SYT6: variants seen among roughly 807,000 people sequenced by gnomAD.
The protein encoded by SYT6 is synaptotagmin-6.
A neutral mutation model predicts 38.4 loss-of-function variants in SYT6; 24 were observed. The observed-to-expected ratio is 0.62, with a 90% confidence interval of 0.45 to 0.88. SYT6 has a LOEUF of 0.88. Among genes scored for constraint, SYT6 ranks in the 40% least tolerant of loss-of-function variants. The probability of loss-of-function intolerance (pLI) is 0.00; values close to 1 mark genes in which losing one functional copy is unlikely to be tolerated. For missense variants in SYT6, 611 were observed against 621.0 expected (o/e 0.98, Z 0.17); for synonymous variants, 265 against 241.9 (o/e 1.10, Z -0.89).
chr1:114,115,493 T>C (rs1676940494), intron 3 of SYT6, among the ~76,000 whole-genome samples: 1 of 151,686 alleles, frequency 6.6e-6, no homozygotes, highest in African/African-American at 2.4e-5. Flanking sequence ...CTCGGCTCAC[T>C]GCAACCTCGG....
intron 2 of SYT6, among the ~76,000 whole-genome samples, chr1:114,138,423 C>T (rs1015544376): frequency 1.3e-5 from 2 of 152,186 alleles, no homozygotes; most frequent in Non-Finnish European, 2.9e-5. Flanking sequence ...GAAGGACCAT[C>T]CCTTCTTATC....
At chr1:114,120,605 T>G (rs770356433) in intron 3 of SYT6, among the ~76,000 whole-genome samples, 3 of 152,266 alleles carry the variant, frequency 2.0e-5, no homozygotes, top group African/African-American at 4.8e-5. Flanking sequence ...ACGTTTTTAT[T>G]ACTTGCTGTG....
intron 7 of SYT6, 137 bp downstream of exon 7, chr1:114,093,598 C>T (rs934848860): frequency 7.0e-6 from 5 of 719,010 alleles, no homozygotes; most frequent in South Asian, 6.2e-5. Flanking sequence ...GAACCCGAAA[C>T]CAGGTCTCCT....
rs369952774 is a variant in SYT6, at chr1:114,115,527, C to T, written c.1072-11806G>A. Among the ~76,000 whole-genome samples the T allele has an allele frequency of 1.9e-4, 29 of 151,926 alleles. 2 individuals carry two copies. The highest frequency in any genetic ancestry group is 1.6e-3 in the Admixed American group (24 of 15,248). The stretch of plus-strand genomic sequence containing the variant: ...GGCTTCCTGGATTCAAGCAATTCTC[C>T]TGCCTCAGCCTCCCGAGTAGCTGGG... On this transcript the variant is annotated intron_variant, in intron 3 of 7. Transcript: ENST00000610222.
chr1:114,106,172 G>A (rs2100996494), intron 3 of SYT6, among the ~76,000 whole-genome samples: 1 of 152,328 alleles, frequency 6.6e-6, no homozygotes, highest in South Asian at 2.1e-4. Flanking sequence ...GAGGTGTAAA[G>A]AGAAGCCCCT....
At chr1:114,111,603 C>T (rs551723258) in intron 3 of SYT6, among the ~76,000 whole-genome samples, 100 of 152,348 alleles carry the variant, frequency 6.6e-4, no homozygotes, top group African/African-American at 2.2e-3. Context: ...TGTCCTGTCA[C>T]CCCCTCTTGG....
In SYT6 at chr1:114,090,360, G is replaced by C. The variant is rs1675230748; in HGVS notation, c.*1774C>G. ...GTCCCTAGCCTAAGGCTCAGTACAG[G>C]GTGGAGTTTAGGTTTATCTACATTT... On this transcript the variant is annotated 3_prime_UTR_variant, in exon 8 of 8. Coordinates refer to ENST00000610222, the MANE Select transcript of SYT6 (RefSeq NM_001253772.2). 1 of 152,308 alleles carries C rather than the reference G, an allele frequency of 6.6e-6. No homozygotes were observed. The highest frequency in any genetic ancestry group is 1.5e-5 in the Non-Finnish European group (1 of 68,032). The allele number at this position is 152,308 out of a possible 1,614,324, so 9.4% of individuals were successfully genotyped here.
intron 3 of SYT6, among the ~76,000 whole-genome samples, chr1:114,107,188 A>G (rs556774023): frequency 2.0e-5 from 3 of 152,058 alleles, no homozygotes; most frequent in Non-Finnish European, 2.9e-5. Context: ...TTTGTTATGG[A>G]CCTGGGAGGC....
intron 3 of SYT6, among the ~76,000 whole-genome samples, chr1:114,105,969 G>T (rs1676287200): frequency 1.3e-5 from 2 of 152,172 alleles, no homozygotes; most frequent in South Asian, 4.1e-4. Context: ...ACATGCAGAT[G>T]GTCTAGCGGG....
At chr1:114,095,504 C>G (rs1461955429) in intron 6 of SYT6, among the ~76,000 whole-genome samples, 1 of 152,146 alleles carries the variant, frequency 6.6e-6, no homozygotes, top group Non-Finnish European at 1.5e-5. Flanking sequence ...TGGGTTATTG[C>G]GGATTGAAGA....
At chr1:114,108,193 C>T (rs1676445332) in intron 3 of SYT6, among the ~76,000 whole-genome samples, 1 of 152,124 alleles carries the variant, frequency 6.6e-6, no homozygotes, top group Admixed American at 6.5e-5. Context: ...TGTCGCTGCC[C>T]ATATTAGTAG....
At chr1:114,099,549 C>T (rs1675842015) in intron 4 of SYT6, among the ~76,000 whole-genome samples, 1 of 152,196 alleles carries the variant, frequency 6.6e-6, no homozygotes, top group South Asian at 2.1e-4. Flanking sequence ...AGACATGACA[C>T]CTGCCGATAG....
intron 5 of SYT6, 126 bp from the exon 6 acceptor site, chr1:114,098,003 A>G: frequency 8.9e-7 from 1 of 1,125,062 alleles, no homozygotes; most frequent in East Asian, 2.5e-5. Flanking sequence ...CTGAAAACAG[A>G]TGCTTGGCAG....
Position 114,091,970 on chromosome 1 carries a change from G to T in SYT6, c.*164C>A. 6.5e-7 allele frequency: 1 copy of T among 1,528,262 alleles called. No individual in the cohort carries two copies. 94.7% of individuals were successfully genotyped at this position (1,528,262 alleles called of 1,614,324 possible). ...TTAGACGGTTGAACAAGTGCAAAGA[G>T]AACATTGCTGAGTCCCATTTGTGTT... On this transcript the variant is annotated 3_prime_UTR_variant, in exon 8 of 8. Transcript: ENST00000610222.
chr1:114,139,646 G>A lies in SYT6; in HGVS notation c.481C>T (p.Arg161Trp), dbSNP rs919737513. Residue 161 changes from arginine (R) to tryptophan (W), a missense_variant, in exon 2 of 8, where the codon CGG becomes TGG. Arg to Trp is a moderately radical substitution (Grantham distance 101). Coordinates refer to ENST00000610222, the MANE Select transcript of SYT6 (RefSeq NM_001253772.2). ...EHIMRHTRLQRQTTEPASSTR... is the reference protein window; with the variant it reads ...EHIMRHTRLQWQTTEPASSTR... ...GATGACGCTGGCTCTGTAGTTTGCC[G>A]CTGCAGCCGGGTGTGACGCATGATG... The A allele has an allele frequency of 8.7e-6, 14 of 1,614,034 alleles. No individual in the cohort carries two copies. The highest frequency in any genetic ancestry group is 2.2e-5 in the East Asian group (1 of 44,892).
At chr1:114,147,300 A>G (rs969111318) in intron 1 of SYT6, among the ~76,000 whole-genome samples, 2 of 152,264 alleles carry the variant, frequency 1.3e-5, no homozygotes, top group Non-Finnish European at 2.9e-5. Context: ...ATGAATTCCA[A>G]AGAAGTAAGA....
At chr1:114,098,961 G>C in intron 5 of SYT6, 133 bp downstream of exon 5, 1 of 855,610 alleles carries the variant, frequency 1.2e-6, no homozygotes. Flanking sequence ...CACCCTTCTT[G>C]GGTACAGATA....
intron 4 of SYT6, 122 bp from the exon 5 acceptor site, chr1:114,099,387 G>A (rs1349469613): frequency 1.4e-5 from 14 of 1,013,350 alleles, no homozygotes; most frequent in Non-Finnish European, 2.0e-5. Flanking sequence ...GTATCAGTGG[G>A]TTGTTAAAAT....
intron 3 of SYT6, among the ~76,000 whole-genome samples, chr1:114,133,515 C>T (rs1678285411): frequency 6.6e-6 from 1 of 152,130 alleles, no homozygotes; most frequent in Non-Finnish European, 1.5e-5. Context: ...TGATCTTAGC[C>T]AATTGAAGCT....
Sources: allele counts gnomAD v4.1 joint callset (sites outside exome capture counted in the v4.1 genomes callset), GRCh38; gene constraint gnomAD v4.1.1; transcripts MANE v1.5; gene names NCBI Gene and HGNC (gene_info 2026-07-23, HGNC 2026-07-21).